Variants in SNRPN observed in about 807,000 individuals in gnomAD.
SNRPN encodes small nuclear ribonucleoprotein polypeptide N, also known as small nuclear ribonucleoprotein-associated protein N.
A neutral mutation model predicts 25.2 loss-of-function variants in SNRPN; 7 were observed. The observed-to-expected ratio is 0.28, with a 90% CI of 0.16 to 0.52. The LOEUF (loss-of-function observed/expected upper bound fraction) is 0.52. Among genes scored for constraint, SNRPN ranks in the 20% least tolerant of loss-of-function variants. SNRPN has a pLI of 0.96. For synonymous variants in SNRPN, 124 were observed against 110.6 expected (o/e 1.12, Z -0.76); for missense variants, 196 against 322.5 (o/e 0.61, Z 3.00).
At position 24,978,266 on chromosome 15, in the gene SNRPN, G is replaced by T. The variant is rs372752818; in HGVS notation, c.633G>T (p.Thr211=). ...TTGGGCTTCCCCCTGCTCGAGGGAC[G>T]CCAATAGGCATGCCGCCTCCGGGAA... is the stretch of plus-strand genomic sequence containing the variant. The part of the protein sequence containing the change: ...PPIGLPPARG[T]PIGMPPPGMR... Residue 211 remains threonine, a synonymous_variant, in exon 9 of 10, where the codon ACG becomes ACT. Transcript: ENST00000390687. 2 of 1,614,036 alleles carry T rather than the reference G, an allele frequency of 1.2e-6. No individual in the cohort carries two copies. The highest frequency in any genetic ancestry group is 1.7e-6 in the Non-Finnish European group (2 of 1,179,960).
chr15:24,862,841 C>A (rs768169788), intron 1 of SNRPN, among the ~76,000 whole-genome samples: 12 of 150,360 alleles, frequency 8.0e-5, no homozygotes, highest in Non-Finnish European at 5.9e-5. Context: ...GAAGAGGAAA[C>A]AGTGTGTCTG....
At chr15:24,879,439 C>CA (rs10688286) in intron 1 of SNRPN, among the ~76,000 whole-genome samples, 42,637 of 145,148 alleles carry the variant, frequency 0.29, 6,242 homozygotes, top group African/African-American at 0.35. Flanking sequence ...TCTGTCTCTA[C>CA]AAAAAAAAAA....
In SNRPN at chr15:24,872,777, C is replaced by T. The variant is rs1445829566; in HGVS notation, c.-578-13739C>T. Among the ~76,000 whole-genome samples the T allele has an allele frequency of 1.4e-4, 13 of 95,368 alleles. 3 individuals are homozygous for T. In the East Asian group the frequency reaches 2.9e-3, roughly 21 times the overall value. 62.6% of individuals were successfully genotyped at this position (95,368 alleles called of 152,430 possible). A position where few individuals can be genotyped will look rare whatever the true frequency, so the allele number is the denominator to read the frequency against. On this transcript the variant is annotated intron_variant, in intron 1 of 11. Coordinates refer to the SNRPN transcript ENST00000400097. ...AAAAAAAAAAAAAAAAAGCTGGGTG[C>T]GGTGGCTTACGCCTGTAATCCCAGC...
At chr15:24,891,894 T>G (rs1433758859) in intron 2 of SNRPN, among the ~76,000 whole-genome samples, 2 of 152,162 alleles carry the variant, frequency 1.3e-5, no homozygotes, top group African/African-American at 4.8e-5. Flanking sequence ...CAGAAACACA[T>G]AGTAATACAA....
At chr15:24,913,446 C>T (rs1219893107) in intron 2 of SNRPN, among the ~76,000 whole-genome samples, 1 of 152,024 alleles carries the variant, frequency 6.6e-6, no homozygotes, top group African/African-American at 2.4e-5. Flanking sequence ...AGTTTGAGAC[C>T]AGCCTGGCCA....
chr15:24,904,377 G>C (rs1035129721), intron 2 of SNRPN, among the ~76,000 whole-genome samples: 1 of 152,150 alleles, frequency 6.6e-6, no homozygotes, highest in African/African-American at 2.4e-5. Flanking sequence ...TGTTCAGGCC[G>C]GCTACAGTGG....
In SNRPN at chr15:24,848,228, C is replaced by CGGCGGG. The variant is rs1159549164; in HGVS notation, c.-579+18325_-579+18326insCGGGGG. ...GGACGGAGCTGGGGGGCGGGGGCGG[C>CGGCGGG]GGTGGGGGCGGGGGCGGCGGCGGGG... On this transcript the variant is annotated intron_variant, in intron 2 of 12. Coordinates refer to the SNRPN transcript ENST00000400100. 6.5e-4 allele frequency: 14 copies of CGGCGGG among 21,454 alleles called. No homozygotes were observed. In the Admixed American group the frequency reaches 7.6e-3, roughly 12 times the overall value. 1.3% of individuals were successfully genotyped at this position (21,454 alleles called of 1,614,324 possible). A position where few individuals can be genotyped will look rare whatever the true frequency, so the allele number is the denominator to read the frequency against.
At chr15:24,932,087 A>G (rs1009596487) in intron 3 of SNRPN, among the ~76,000 whole-genome samples, 1 of 152,030 alleles carries the variant, frequency 6.6e-6, no homozygotes, top group Admixed American at 6.6e-5. Context: ...GTTGGCTGGA[A>G]CAAAGAGTAA....
chr15:24,911,158 G>T, intron 2 of SNRPN: 2 of 577,352 alleles, frequency 3.5e-6, no homozygotes, highest in South Asian at 4.8e-5. Context: ...TGCTGGAAAG[G>T]GCCAAAGAAA....
At chr15:24,844,627 C>T (rs925230536) in intron 2 of SNRPN, among the ~76,000 whole-genome samples, 4 of 152,114 alleles carry the variant, frequency 2.6e-5, no homozygotes, top group South Asian at 2.1e-4. Flanking sequence ...TGGGTTGAAG[C>T]GACTCTCCTG....
At chr15:24,962,303 AAT>A (rs2153484205) in intron 2 of SNRPN, 94 bp downstream of exon 2, 1 of 999,862 alleles carries the variant, frequency 1.0e-6, no homozygotes, top group East Asian at 2.5e-5. Flanking sequence ...AAATGAACAT[AAT>A]TGAAGAAGCA....
chr15:24,852,636 G>A (rs1211631963), upstream of SNRPN, among the ~76,000 whole-genome samples: 1 of 152,170 alleles, frequency 6.6e-6, no homozygotes, highest in Non-Finnish European at 1.5e-5. Context: ...TTAACATAGG[G>A]CTGGACGCAG....
At chr15:24,882,099 T>C (rs982381986) in intron 1 of SNRPN, among the ~76,000 whole-genome samples, 1 of 152,182 alleles carries the variant, frequency 6.6e-6, no homozygotes, top group Non-Finnish European at 1.5e-5. Context: ...CTCCAAGCTG[T>C]AGGTGTCCTG....
At chr15:24,893,954 C>T (rs1429242189) in intron 2 of SNRPN, among the ~76,000 whole-genome samples, 1 of 152,106 alleles carries the variant, frequency 6.6e-6, no homozygotes, top group Non-Finnish European at 1.5e-5. Flanking sequence ...TATGACTTAC[C>T]CATGAATGCA....
intron 1 of SNRPN, among the ~76,000 whole-genome samples, chr15:24,873,315 C>CT (rs1187222665): frequency 8.7e-6 from 1 of 114,848 alleles, no homozygotes; most frequent in Non-Finnish European, 1.9e-5. Context: ...CAAGACTCTT[C>CT]TTTTGTTTTT....
intron 2 of SNRPN, among the ~76,000 whole-genome samples, chr15:24,889,583 G>A (rs2057483879): frequency 6.6e-6 from 1 of 151,996 alleles, no homozygotes; most frequent in Non-Finnish European, 1.5e-5. Context: ...GGGATTACAG[G>A]CATGAGCCAC....
intron 3 of SNRPN, among the ~76,000 whole-genome samples, chr15:24,946,750 T>G (rs2061917490): frequency 6.6e-6 from 1 of 152,266 alleles, no homozygotes; most frequent in Admixed American, 6.5e-5. Flanking sequence ...ATTATAGGCA[T>G]GAGCCTGCAG....
intron 1 of SNRPN, among the ~76,000 whole-genome samples, chr15:24,884,827 T>G (rs7183510): frequency 0.22 from 33,143 of 151,988 alleles, 3,756 homozygotes; most frequent in Middle Eastern, 0.28. Flanking sequence ...AAAGGGGCCC[T>G]GACCCAGACC....
chr15:24,845,922 T>A (rs2055347020), intron 2 of SNRPN, among the ~76,000 whole-genome samples: 1 of 151,688 alleles, frequency 6.6e-6, no homozygotes. Flanking sequence ...CTGTCTCTAC[T>A]AAAAATACAA....
Sources: gnomAD v4.1 joint callset for allele counts (sites outside exome capture counted in the v4.1 genomes callset) on GRCh38, gnomAD v4.1.1 for gene constraint, MANE v1.5 for transcripts, NCBI Gene and HGNC (gene_info 2026-07-23, HGNC 2026-07-21) for gene names.